FGF14: variants seen among roughly 807,000 people sequenced by gnomAD.
The protein encoded by FGF14 is fibroblast growth factor homologous factor 4.
Under a neutral mutation model 25.5 loss-of-function variants are expected in FGF14, and 5 were observed. The ratio of observed to expected loss-of-function variants is 0.20; its 90% CI spans 0.10 to 0.41. The LOEUF (loss-of-function observed/expected upper bound fraction) is 0.41, where lower values mean the gene tolerates loss of function less well. Ranked by LOEUF, FGF14 falls within the 10% of genes least tolerant of loss-of-function variation. The pLI is 1.00. For synonymous variants in FGF14, 138 were observed against 118.3 expected, an observed-to-expected ratio of 1.17 and a Z score of -1.08; for missense variants, 222 against 320.1, an observed-to-expected ratio of 0.69 and a Z score of 2.34.
chr13:102,196,958 T>G (rs1417669860), intron 1 of FGF14, among the ~76,000 whole-genome samples: 4 of 148,116 alleles, frequency 2.7e-5, no homozygotes, highest in Admixed American at 1.3e-4. Flanking sequence ...GTTTTTTTGG[T>G]TTTTTTTTTT....
chr13:102,336,715 A>C (rs1689829505), intron 1 of FGF14, among the ~76,000 whole-genome samples: 1 of 152,218 alleles, frequency 6.6e-6, no homozygotes, highest in African/African-American at 2.4e-5. Context: ...AAACTCAGCC[A>C]AGAGGGGCTG....
chr13:102,017,372 A>T (rs1266765792), intron 1 of FGF14, among the ~76,000 whole-genome samples: 1 of 152,190 alleles, frequency 6.6e-6, no homozygotes, highest in Admixed American at 6.5e-5. Flanking sequence ...ATCAAATGCT[A>T]GTTTGGCTGG....
chr13:102,304,814 G>T (rs2055283595), intron 1 of FGF14, among the ~76,000 whole-genome samples: 1 of 152,154 alleles, frequency 6.6e-6, no homozygotes, highest in South Asian at 2.1e-4. Context: ...AGAAGAGGGT[G>T]CTCCAGCTTC....
At chr13:101,935,075 C>G in intron 1 of FGF14, among the ~76,000 whole-genome samples, 1 of 152,110 alleles carries the variant, frequency 6.6e-6, no homozygotes, top group East Asian at 1.9e-4. Flanking sequence ...ATACAGTACA[C>G]TGAACTCAAA....
intron 1 of FGF14, among the ~76,000 whole-genome samples, chr13:102,275,261 T>TC (rs756590149): frequency 0.36 from 22,618 of 62,746 alleles, 3,293 homozygotes; most frequent in Middle Eastern, 0.46. Flanking sequence ...TCTCTCTCTC[T>TC]TTCTCTCTCT....
chr13:101,727,654 GAAT>G (rs2139694563), intron 3 of FGF14, among the ~76,000 whole-genome samples: 1 of 152,134 alleles, frequency 6.6e-6, no homozygotes, highest in East Asian at 1.9e-4. Flanking sequence ...ACTTTGGGAT[GAAT>G]AATAATGAAT....
intron 1 of FGF14, among the ~76,000 whole-genome samples, chr13:102,157,663 C>T (rs1448338611): frequency 6.6e-6 from 1 of 152,188 alleles, no homozygotes; most frequent in African/African-American, 2.4e-5. Context: ...CAAATGGGAT[C>T]TAATTAAACT....
chr13:102,262,113 A>T (rs1192566707), intron 1 of FGF14, among the ~76,000 whole-genome samples: 1 of 152,322 alleles, frequency 6.6e-6, no homozygotes, highest in South Asian at 2.1e-4. Flanking sequence ...TTAGTATCAC[A>T]CTATTGGGAA....
chr13:102,358,900 T>C (rs930250982), intron 1 of FGF14, among the ~76,000 whole-genome samples: 8 of 152,204 alleles, frequency 5.3e-5, no homozygotes, highest in African/African-American at 1.9e-4. Flanking sequence ...TTCATAATAG[T>C]GAATACATGG....
chr13:102,275,262 T>TTTCTCTCTCTCTCTCTCTCTC (rs2053473719), intron 1 of FGF14, among the ~76,000 whole-genome samples: 2 of 68,988 alleles, frequency 2.9e-5, no homozygotes, highest in African/African-American at 1.0e-4. Context: ...CTCTCTCTCT[T>TTTCTCTCTCTCTCTCTCTCTC]TCTCTCTCTC....
intron 3 of FGF14, chr13:101,778,971 C>T (rs1165569535): frequency 1.3e-5 from 2 of 152,150 alleles, no homozygotes; most frequent in African/African-American, 4.8e-5. Flanking sequence ...GAAATCAGCA[C>T]ATCAGAATGC....
intron 1 of FGF14, among the ~76,000 whole-genome samples, chr13:102,370,965 G>A (rs952469726): frequency 6.8e-6 from 1 of 147,728 alleles, no homozygotes; most frequent in Non-Finnish European, 1.5e-5. Flanking sequence ...CAGAAAAATT[G>A]TTCAAATCCT....
chr13:102,158,763 A>G (rs557250418), intron 1 of FGF14, among the ~76,000 whole-genome samples: 1 of 152,192 alleles, frequency 6.6e-6, no homozygotes, highest in African/African-American at 2.4e-5. Flanking sequence ...TAATTTTTGC[A>G]CTGTGAAATC....
At chr13:101,997,409 T>C (rs2039242003) in intron 1 of FGF14, among the ~76,000 whole-genome samples, 1 of 152,226 alleles carries the variant, frequency 6.6e-6, no homozygotes, top group Non-Finnish European at 1.5e-5. Flanking sequence ...GACAACTATG[T>C]CCTATTTACT....
intron 1 of FGF14, among the ~76,000 whole-genome samples, chr13:102,107,464 T>C (rs1172283054): frequency 6.6e-6 from 1 of 152,070 alleles, no homozygotes; most frequent in Non-Finnish European, 1.5e-5. Context: ...TTCAACTCAA[T>C]GTACATTAGG....
At chr13:101,735,217 T>C (rs2036097920) in intron 3 of FGF14, among the ~76,000 whole-genome samples, 1 of 152,194 alleles carries the variant, frequency 6.6e-6, no homozygotes, top group Non-Finnish European at 1.5e-5. Context: ...TCACAAGCAA[T>C]ATGCATACGC....
rs756605299 is a variant in FGF14, at chr13:101,916,676, G to A, written c.-31C>T. 1.4e-5 allele frequency: 20 copies of A among 1,474,380 alleles called. No homozygotes were observed. Among genetic ancestry groups the A allele is most frequent in the African/African-American group, 1.4e-5 (1 of 70,762 alleles). 91.3% of individuals were successfully genotyped at this position (1,474,380 alleles called of 1,614,324 possible). ...CCCCGGGAACGGGTCCGGGGAGGGA[G>A]GGCGCGGGAGGACGGCGAGCCGGGG... On this transcript the variant is annotated 5_prime_UTR_variant, in exon 1 of 5. Transcript: ENST00000376143.
chr13:102,214,902 G>A (rs2050309527), intron 1 of FGF14, among the ~76,000 whole-genome samples: 1 of 152,058 alleles, frequency 6.6e-6, no homozygotes, highest in African/African-American at 2.4e-5. Flanking sequence ...GTTCTATCTT[G>A]CCTAAGTTGC....
chr13:102,391,374 C>T (rs923298079), intron 1 of FGF14, among the ~76,000 whole-genome samples: 2 of 152,196 alleles, frequency 1.3e-5, no homozygotes, highest in African/African-American at 2.4e-5. Flanking sequence ...CATACAGAGT[C>T]ACATCTGCCA....
Sources: gnomAD v4.1 joint callset for allele counts (sites outside exome capture counted in the v4.1 genomes callset) on GRCh38, gnomAD v4.1.1 for gene constraint, MANE v1.5 for transcripts, NCBI Gene and HGNC (gene_info 2026-07-23, HGNC 2026-07-21) for gene names.